The following SNX29 variants were observed in gnomAD, a reference collection of about 807,000 sequenced individuals.
SNX29 encodes sorting nexin-29.
In SNX29, 78 loss-of-function variants were observed where a neutral mutation model predicts 102.1. That is an observed-to-expected ratio of 0.76 (90% CI 0.64 to 0.92). The LOEUF is 0.92. SNX29 is among the 40% of genes least tolerant of loss of function. The pLI is 0.00. For synonymous variants in SNX29, 580 were observed against 414.5 expected, an observed-to-expected ratio of 1.40 and a Z score of -4.85; for missense variants, 1,280 against 1,061.7, an observed-to-expected ratio of 1.21 and a Z score of -2.86.
chr16:12,045,371 G>C (rs2050044574), intron 5 of SNX29, among the ~76,000 whole-genome samples: 1 of 149,180 alleles, frequency 6.7e-6, no homozygotes, highest in Non-Finnish European at 1.5e-5. Context: ...TTATGGCATT[G>C]GGGATTTTTG....
chr16:12,498,328 C>T (rs1567624934), intron 19 of SNX29, among the ~76,000 whole-genome samples: 1 of 152,006 alleles, frequency 6.6e-6, no homozygotes, highest in Non-Finnish European at 1.5e-5. Flanking sequence ...ACCTTGTATG[C>T]TTAGCTAAGG....
At chr16:12,455,913 C>T (rs1439643210) in intron 18 of SNX29, among the ~76,000 whole-genome samples, 1 of 152,140 alleles carries the variant, frequency 6.6e-6, no homozygotes, top group African/African-American at 2.4e-5. Context: ...CCATCTAGCA[C>T]CCGTTGGGCA....
intron 14 of SNX29, among the ~76,000 whole-genome samples, chr16:12,211,138 A>G (rs190366826): frequency 6.6e-6 from 1 of 152,218 alleles, no homozygotes; most frequent in Non-Finnish European, 1.5e-5. Context: ...AGGTCAGGGC[A>G]CCGTTTCATT....
At chr16:12,558,136 T>TA (rs998381122) in intron 20 of SNX29, among the ~76,000 whole-genome samples, 1 of 152,224 alleles carries the variant, frequency 6.6e-6, no homozygotes, top group African/African-American at 2.4e-5. Context: ...CATTCAGGGA[T>TA]AATCCTTTCC....
intron 1 of SNX29, chr16:11,977,785 T>A (rs2055335586): frequency 6.6e-6 from 1 of 152,360 alleles, no homozygotes; most frequent in East Asian, 1.9e-4. Flanking sequence ...TGGTGCTAAG[T>A]CATTCCTGGG....
intron 11 of SNX29, among the ~76,000 whole-genome samples, chr16:12,101,887 G>C (rs533319169): frequency 2.6e-5 from 4 of 152,194 alleles, no homozygotes; most frequent in South Asian, 2.1e-4. Flanking sequence ...ATCTACATTA[G>C]GTATTTCTCC....
intron 20 of SNX29, among the ~76,000 whole-genome samples, chr16:12,550,550 A>G (rs1017124400): frequency 9.2e-5 from 14 of 151,436 alleles, no homozygotes; most frequent in East Asian, 3.9e-4. Flanking sequence ...AAAAAAAACC[A>G]AACACCAAAT....
At chr16:12,252,349 C>T (rs1344472583) in intron 14 of SNX29, among the ~76,000 whole-genome samples, 2 of 152,232 alleles carry the variant, frequency 1.3e-5, no homozygotes, top group African/African-American at 2.4e-5. Flanking sequence ...GGCCTCCCAC[C>T]TGGCGGCTAC....
At chr16:12,276,960 G>A (rs975512306) in intron 14 of SNX29, among the ~76,000 whole-genome samples, 4 of 152,282 alleles carry the variant, frequency 2.6e-5, no homozygotes, top group African/African-American at 9.6e-5. Context: ...GTCATCCTAA[G>A]TATGGTTTAT....
intron 15 of SNX29, among the ~76,000 whole-genome samples, chr16:12,334,875 T>C (rs1260521842): frequency 6.8e-6 from 1 of 147,172 alleles, no homozygotes; most frequent in East Asian, 2.1e-4. Context: ...TCAGCCCCTT[T>C]TGCTTTAAGT....
intron 18 of SNX29, among the ~76,000 whole-genome samples, chr16:12,417,579 C>G (rs1291199024): frequency 6.6e-6 from 1 of 152,180 alleles, no homozygotes; most frequent in Non-Finnish European, 1.5e-5. Context: ...CTTTCCTCCT[C>G]CTTCTCATTC....
intron 18 of SNX29, among the ~76,000 whole-genome samples, chr16:12,467,859 A>G (rs575381110): frequency 6.6e-6 from 1 of 152,312 alleles, no homozygotes; most frequent in South Asian, 2.1e-4. Context: ...CAGCACTGAC[A>G]GTTGAGCCAG....
Position 12,322,163 on chromosome 16 carries a change from C to G in SNX29, c.1783-34000C>G, listed in dbSNP as rs544580740. Among the ~76,000 whole-genome samples, 4 of 152,324 alleles carry G rather than the reference C, an allele frequency of 2.6e-5. No homozygotes were observed. In the East Asian group the frequency reaches 7.7e-4, roughly 29 times the overall value. ...GAGAACAAATGCTTGTCCCTGCGTC[C>G]TAAGCAGGGGACCTAGGGTAGAACC... On this transcript the variant is annotated intron_variant, in intron 15 of 20. Coordinates refer to ENST00000566228, the MANE Select transcript of SNX29 (RefSeq NM_032167.5).
At chr16:12,066,289 C>T (rs1006153377) in intron 9 of SNX29, among the ~76,000 whole-genome samples, 5 of 152,112 alleles carry the variant, frequency 3.3e-5, no homozygotes, top group Admixed American at 6.6e-5. Flanking sequence ...CTTTGGACCA[C>T]GGGGCAGTGG....
intron 13 of SNX29, among the ~76,000 whole-genome samples, chr16:12,158,255 A>G (rs2055637836): frequency 6.6e-6 from 1 of 152,044 alleles, no homozygotes; most frequent in Non-Finnish European, 1.5e-5. Flanking sequence ...GCTGGAGTGC[A>G]GTGGCGCAAT....
At chr16:12,424,092 G>T (rs1475556645) in intron 18 of SNX29, among the ~76,000 whole-genome samples, 1 of 152,216 alleles carries the variant, frequency 6.6e-6, no homozygotes, top group African/African-American at 2.4e-5. Flanking sequence ...AGCCTCAGAG[G>T]CGTGATCAGA....
At chr16:12,408,633 C>T (rs551724688) in intron 18 of SNX29, among the ~76,000 whole-genome samples, 1 of 152,274 alleles carries the variant, frequency 6.6e-6, no homozygotes, top group African/African-American at 2.4e-5. Context: ...CCAGCCTGGT[C>T]AACATGGTGA....
intron 9 of SNX29, among the ~76,000 whole-genome samples, chr16:12,063,075 C>T (rs2050846884): frequency 6.6e-6 from 1 of 152,140 alleles, no homozygotes; most frequent in Non-Finnish European, 1.5e-5. Flanking sequence ...TGTGGCTGAC[C>T]CTGATGAACT....
At chr16:12,284,897 T>A (rs554234786) in intron 15 of SNX29, among the ~76,000 whole-genome samples, 1 of 152,236 alleles carries the variant, frequency 6.6e-6, no homozygotes, top group South Asian at 2.1e-4. Flanking sequence ...GCTAATTTTT[T>A]ATATTTTTAA....
Sources: allele counts gnomAD v4.1 joint callset (sites outside exome capture counted in the v4.1 genomes callset), GRCh38; gene constraint gnomAD v4.1.1; transcripts MANE v1.5; gene names NCBI Gene and HGNC (gene_info 2026-07-23, HGNC 2026-07-21).